The following TBC1D32 variants were observed in gnomAD, a reference collection of about 807,000 sequenced individuals.
TBC1D32 encodes TBC1 domain family member 32, also known as protein broad-minded.
In TBC1D32, 151 loss-of-function variants were observed where a neutral mutation model predicts 170.3. The ratio of observed to expected loss-of-function variants is 0.89; its 90% CI spans 0.78 to 1.01. The LOEUF is 1.01. Among genes scored for constraint, TBC1D32 ranks in the 50% least tolerant of loss-of-function variants. The probability of loss-of-function intolerance (pLI) is 0.00; values close to 1 mark genes in which losing one functional copy is unlikely to be tolerated. For missense variants in TBC1D32, 1,464 were observed against 1,457.1 expected (o/e 1.00, Z -0.08); for synonymous variants, 498 against 488.0 (o/e 1.02, Z -0.27).
At chr6:121,225,542 C>T (rs1794961565) in intron 20 of TBC1D32, among the ~76,000 whole-genome samples, 1 of 151,876 alleles carries the variant, frequency 6.6e-6, no homozygotes, top group Admixed American at 6.6e-5. Context: ...ATTATTTATA[C>T]ATGAAGAATT....
chr6:121,220,000 C>T (rs1427309772), intron 21 of TBC1D32, among the ~76,000 whole-genome samples: 2 of 152,306 alleles, frequency 1.3e-5, no homozygotes, highest in African/African-American at 4.8e-5. Flanking sequence ...CTGATTGTTC[C>T]ACCAACTGGT....
chr6:121,133,379 G>A (rs147601312), intron 24 of TBC1D32, among the ~76,000 whole-genome samples: 6 of 151,896 alleles, frequency 4.0e-5, no homozygotes, highest in African/African-American at 1.4e-4. Flanking sequence ...AAGTCCTCCT[G>A]TGTGGATATA....
At chr6:121,291,079 A>C (rs1345393994) in intron 12 of TBC1D32, among the ~76,000 whole-genome samples, 1 of 152,128 alleles carries the variant, frequency 6.6e-6, no homozygotes, top group Admixed American at 6.6e-5. Context: ...CAGTTTACCA[A>C]CATGGCACAT....
At position 121,288,941 on chromosome 6, in the gene TBC1D32, C is replaced by G. The variant is rs551005186; in HGVS notation, c.1372+3112G>C. 8.5e-5 allele frequency among the ~76,000 whole-genome samples: 13 copies of G among 152,208 alleles called. No homozygotes were observed. In the South Asian group the frequency reaches 2.7e-3, roughly 32 times the overall value. ...CAATAGATGCAGAAAAGGCCTTTGA[C>G]AAAATTCAACAGCCCTTCATGCTAA... is the stretch of plus-strand genomic sequence containing the variant. On this transcript the variant is annotated intron_variant, in intron 12 of 31. Transcript: ENST00000398212.
At chr6:121,180,250 G>T (rs1788329950) in intron 22 of TBC1D32, among the ~76,000 whole-genome samples, 1 of 152,072 alleles carries the variant, frequency 6.6e-6, no homozygotes, top group Non-Finnish European at 1.5e-5. Flanking sequence ...AATTTATATG[G>T]AAAGAAAAGG....
chr6:121,245,568 A>G (rs879309279), intron 17 of TBC1D32, among the ~76,000 whole-genome samples: 7 of 152,206 alleles, frequency 4.6e-5, no homozygotes, highest in African/African-American at 1.7e-4. Flanking sequence ...ATAGGCAGAC[A>G]GCCTCTGTGA....
chr6:121,218,965 A>C (rs915645158), intron 21 of TBC1D32, among the ~76,000 whole-genome samples: 14 of 152,202 alleles, frequency 9.2e-5, no homozygotes, highest in Non-Finnish European at 1.9e-4. Context: ...ACTGTGAGTC[A>C]ACTAAACCTC....
chr6:121,136,916 A>G (rs1782153181), intron 24 of TBC1D32, among the ~76,000 whole-genome samples: 1 of 152,152 alleles, frequency 6.6e-6, no homozygotes, highest in Non-Finnish European at 1.5e-5. Context: ...CTAAAATATG[A>G]GCAGTTATAG....
chr6:121,144,712 G>T (rs1370293443), intron 24 of TBC1D32, among the ~76,000 whole-genome samples: 7 of 152,062 alleles, frequency 4.6e-5, no homozygotes, highest in Admixed American at 4.6e-4. Flanking sequence ...ATAAGTATTA[G>T]AGATATAAAT....
intron 24 of TBC1D32, among the ~76,000 whole-genome samples, chr6:121,155,602 T>C (rs1343124775): frequency 6.6e-6 from 1 of 152,084 alleles, no homozygotes; most frequent in East Asian, 1.9e-4. Flanking sequence ...TGATTCCACT[T>C]TTTACCCATT....
intron 22 of TBC1D32, among the ~76,000 whole-genome samples, chr6:121,191,669 G>A (rs1035230171): frequency 6.6e-6 from 1 of 152,192 alleles, no homozygotes; most frequent in Admixed American, 6.6e-5. Context: ...AACACACAGA[G>A]TATGGTTTTC....
chr6:121,124,356 ATT>A (rs1780604787), intron 26 of TBC1D32, among the ~76,000 whole-genome samples: 7 of 151,986 alleles, frequency 4.6e-5, no homozygotes, highest in Admixed American at 3.3e-4. Flanking sequence ...TTTTGAGTAT[ATT>A]GTCCTACTCA....
chr6:121,137,190 AAATAT>A (rs1436967476), intron 24 of TBC1D32, among the ~76,000 whole-genome samples: 1 of 152,138 alleles, frequency 6.6e-6, no homozygotes, highest in Non-Finnish European at 1.5e-5. Context: ...CTAGGTGATT[AAATAT>A]AATAATCCCT....
chr6:121,299,624 A>G (rs1383355638), intron 9 of TBC1D32, 119 bp from the exon 10 acceptor site: 3 of 974,224 alleles, frequency 3.1e-6, no homozygotes, highest in Non-Finnish European at 4.3e-6. Flanking sequence ...TTAAACCCTT[A>G]TAGTCAATGA....
intron 26 of TBC1D32, among the ~76,000 whole-genome samples, chr6:121,125,027 C>T (rs916475006): frequency 8.5e-5 from 13 of 152,162 alleles, no homozygotes; most frequent in African/African-American, 1.9e-4. Context: ...GATTGGTCTT[C>T]GGCATCTCAT....
chr6:121,218,834 TATAAGGGA>T, intron 21 of TBC1D32, among the ~76,000 whole-genome samples: 1 of 152,246 alleles, frequency 6.6e-6, no homozygotes, highest in South Asian at 2.1e-4. Flanking sequence ...ATGATGGTTT[TATAAGGGA>T]TTTTTCCCCC....
At chr6:121,205,876 A>G (rs1475857520) in intron 21 of TBC1D32, among the ~76,000 whole-genome samples, 1 of 152,174 alleles carries the variant, frequency 6.6e-6, no homozygotes, top group East Asian at 1.9e-4. Flanking sequence ...CTGTCCTAGC[A>G]CTGACAATTT....
At chr6:121,274,958 G>A (rs1802021982) in intron 15 of TBC1D32, among the ~76,000 whole-genome samples, 1 of 152,026 alleles carries the variant, frequency 6.6e-6, no homozygotes, top group African/African-American at 2.4e-5. Flanking sequence ...ATTGAAAATT[G>A]TAGCAACAAA....
intron 29 of TBC1D32, among the ~76,000 whole-genome samples, chr6:121,111,769 T>C (rs1342013383): frequency 1.3e-5 from 2 of 152,170 alleles, no homozygotes; most frequent in Admixed American, 1.3e-4. Flanking sequence ...AAACACCTAA[T>C]GAATATTTTC....
Sources: gnomAD v4.1 joint callset for allele counts (sites outside exome capture counted in the v4.1 genomes callset) on GRCh38, gnomAD v4.1.1 for gene constraint, MANE v1.5 for transcripts, NCBI Gene and HGNC (gene_info 2026-07-23, HGNC 2026-07-21) for gene names.